GLIPR1L1: variants seen among roughly 807,000 people sequenced by gnomAD.
The protein encoded by GLIPR1L1 is GLIPR1-like protein 1.
GLIPR1L1 carries 26 observed loss-of-function variants against 29.9 expected under a neutral mutation model. The observed-to-expected ratio is 0.87, with a 90% CI of 0.64 to 1.21. GLIPR1L1 has a LOEUF of 1.21. Ranked by LOEUF, GLIPR1L1 falls within the 50% of genes most tolerant of loss-of-function variation. The pLI, the probability that GLIPR1L1 is intolerant of heterozygous loss-of-function variation, is 0.00. For synonymous variants in GLIPR1L1, 77 were observed against 97.5 expected (o/e 0.79, Z 1.24); for missense variants, 305 against 290.3 (o/e 1.05, Z -0.37).
intron 4 of GLIPR1L1, among the ~76,000 whole-genome samples, chr12:75,363,623 A>C (rs1303142304): frequency 6.6e-6 from 1 of 152,212 alleles, no homozygotes; most frequent in African/African-American, 2.4e-5. Context: ...TCTCAAAATA[A>C]ATATGCTTTT....
chr12:75,363,630 T>A (rs982049114), intron 4 of GLIPR1L1, among the ~76,000 whole-genome samples: 2 of 152,168 alleles, frequency 1.3e-5, no homozygotes, highest in South Asian at 4.1e-4. Flanking sequence ...ATAAATATGC[T>A]TTTTAAGACT....
intron 4 of GLIPR1L1, among the ~76,000 whole-genome samples, chr12:75,366,572 G>A (rs189376132): frequency 3.1e-3 from 474 of 152,066 alleles, no homozygotes; most frequent in Non-Finnish European, 5.9e-3. Flanking sequence ...TGCAAAGAGA[G>A]GCACCCTAAA....
Position 75,363,582 on chromosome 12 carries a change from C to T in GLIPR1L1, c.610+392C>T, listed in dbSNP as rs191892286. Among the ~76,000 whole-genome samples, 171 of 152,204 alleles carry T rather than the reference C, an allele frequency of 1.1e-3. 1 individual carries two copies. The highest frequency in any genetic ancestry group is 3.6e-3 in the African/African-American group (151 of 41,544). ...CAAAGTAATTATGATTTAAAACTAACATGTTTCTCTTTCATGATCAGCTTT... is the reference window on the plus strand; with the variant it reads ...CAAAGTAATTATGATTTAAAACTAATATGTTTCTCTTTCATGATCAGCTTT... On this transcript the variant is annotated intron_variant, in intron 4 of 5. Transcript: ENST00000378695.
intron 1 of GLIPR1L1, among the ~76,000 whole-genome samples, chr12:75,335,297 T>A (rs2041649387): frequency 1.3e-5 from 2 of 152,184 alleles, no homozygotes; most frequent in Non-Finnish European, 2.9e-5. Context: ...ATTCTCTTGT[T>A]CTCTTACTTA....
intron 2 of GLIPR1L1, among the ~76,000 whole-genome samples, chr12:75,345,287 G>A (rs1195629629): frequency 6.6e-6 from 1 of 151,856 alleles, no homozygotes; most frequent in African/African-American, 2.4e-5. Flanking sequence ...GCAAATCTCA[G>A]GGGTATTATG....
At chr12:75,366,688 GTTTT>G (rs1304737985) in intron 4 of GLIPR1L1, 1 of 537,712 alleles carries the variant, frequency 1.9e-6, no homozygotes. Context: ...GTGGCCTAGG[GTTTT>G]TTTGTGTTGC....
intron 1 of GLIPR1L1, among the ~76,000 whole-genome samples, chr12:75,337,862 A>G (rs956881028): frequency 1.3e-5 from 2 of 152,050 alleles, no homozygotes; most frequent in Non-Finnish European, 2.9e-5. Flanking sequence ...TACAAATGAA[A>G]GAATCCGGGG....
At position 75,354,937 on chromosome 12, in the gene GLIPR1L1, T is replaced by C. The variant is rs556399979; in HGVS notation, c.521+7215T>C. Among the ~76,000 whole-genome samples the C allele has an allele frequency of 3.9e-5, 6 of 152,210 alleles. No individual in the cohort carries two copies. The South Asian group carries it at 1.0e-3, about 26-fold the overall frequency. ...GAACAGGCTAGCCATATGCAGAGAA[T>C]TGAAACTGCACAACTTCCTTACACC... On this transcript the variant is annotated intron_variant, in intron 3 of 5. Transcript: ENST00000378695.
Position 75,343,981 on chromosome 12 carries a change from TATTTTAATTGCCAG to T in GLIPR1L1, c.420+45_420+58del, listed in dbSNP as rs779870381. ...TTATTGATTAGTTCTTATTTGTGCA[TATTTTAATTGCCAG>T]AATTTATTTCTCTGTATGTAAAGTG... On this transcript the variant is annotated intron_variant, in intron 2 of 5. Coordinates refer to ENST00000378695, the MANE Select transcript of GLIPR1L1 (RefSeq NM_001304964.2). 44 of 1,479,148 alleles carry T rather than the reference TATTTTAATTGCCAG, an allele frequency of 3.0e-5. 1 individual carries two copies. In the South Asian group the frequency reaches 4.8e-4, roughly 16 times the overall value. 91.6% of individuals were successfully genotyped at this position (1,479,148 alleles called of 1,614,324 possible).
At chr12:75,352,878 C>A (rs866849968) in intron 3 of GLIPR1L1, among the ~76,000 whole-genome samples, 3 of 152,260 alleles carry the variant, frequency 2.0e-5, no homozygotes, top group African/African-American at 7.2e-5. Flanking sequence ...AATTGAGCAA[C>A]CTGCTCTTGA....
intron 4 of GLIPR1L1, among the ~76,000 whole-genome samples, chr12:75,368,499 C>T (rs1015662888): frequency 1.3e-5 from 2 of 151,446 alleles, no homozygotes; most frequent in Non-Finnish European, 2.9e-5. Context: ...TTAAGTGATG[C>T]CCCAGGAATA....
intron 4 of GLIPR1L1, chr12:75,366,770 T>G (rs758382800): frequency 1.3e-4 from 88 of 665,376 alleles, no homozygotes; most frequent in Middle Eastern, 7.9e-4. Context: ...CACGCTCTTA[T>G]GTGTCTCAGT....
intron 2 of GLIPR1L1, 82 bp downstream of exon 2, chr12:75,344,020 G>C: frequency 8.4e-7 from 1 of 1,193,556 alleles, no homozygotes; most frequent in Non-Finnish European, 1.2e-6. Context: ...TATGTAAAGT[G>C]CCTTTATTTT....
intron 4 of GLIPR1L1, chr12:75,367,013 GGTAA>G: frequency 1.4e-6 from 1 of 701,348 alleles, no homozygotes; most frequent in South Asian, 1.5e-5. Flanking sequence ...GAGCTGAGGA[GGTAA>G]GTCTCTCATT....
intron 1 of GLIPR1L1, among the ~76,000 whole-genome samples, chr12:75,341,554 C>T (rs1462524013): frequency 6.6e-6 from 1 of 152,090 alleles, no homozygotes; most frequent in Non-Finnish European, 1.5e-5. Flanking sequence ...TCACGCCATT[C>T]TCCTGCCTCA....
intron 1 of GLIPR1L1, among the ~76,000 whole-genome samples, 182 bp downstream of exon 1, chr12:75,335,084 A>G (rs2041631783): frequency 6.6e-6 from 1 of 152,196 alleles, no homozygotes; most frequent in Non-Finnish European, 1.5e-5. Context: ...TGAACAAGAA[A>G]GGAAGACTTG....
intron 4 of GLIPR1L1, chr12:75,365,116 G>A (rs988878609): frequency 6.6e-6 from 1 of 152,056 alleles, no homozygotes; most frequent in African/African-American, 2.4e-5. Flanking sequence ...AATAGTCCCT[G>A]GGCCTAGAGG....
chr12:75,358,022 A>G (rs946515033), intron 3 of GLIPR1L1, among the ~76,000 whole-genome samples: 3 of 151,626 alleles, frequency 2.0e-5, no homozygotes, highest in Non-Finnish European at 4.4e-5. Context: ...AAATAAAATA[A>G]CAAACAGAAA....
At chr12:75,339,524 T>A (rs1041155178) in intron 1 of GLIPR1L1, among the ~76,000 whole-genome samples, 23 of 152,228 alleles carry the variant, frequency 1.5e-4, no homozygotes, top group African/African-American at 5.5e-4. Flanking sequence ...GCTAAAATTT[T>A]CTACCATTCT....
Sources: allele counts gnomAD v4.1 joint callset (sites outside exome capture counted in the v4.1 genomes callset), GRCh38; gene constraint gnomAD v4.1.1; transcripts MANE v1.5; gene names NCBI Gene and HGNC (gene_info 2026-07-23, HGNC 2026-07-21).